The following IL1RAPL1 variants were observed in gnomAD, a reference collection of about 807,000 sequenced individuals.
IL1RAPL1 encodes interleukin-1 receptor accessory protein-like 1.
IL1RAPL1 carries 3 observed loss-of-function variants against 48.4 expected under a neutral mutation model. The observed-to-expected ratio is 0.06, with a 90% CI of 0.03 to 0.16. The LOEUF is 0.16. Ranked by LOEUF, IL1RAPL1 falls within the 10% of genes least tolerant of loss-of-function variation. The pLI, the probability that IL1RAPL1 is intolerant of heterozygous loss-of-function variation, is 1.00. For missense variants in IL1RAPL1, 349 were observed against 530.6 expected, an observed-to-expected ratio of 0.66 and a Z score of 3.36; for synonymous variants, 185 against 187.7, an observed-to-expected ratio of 0.99 and a Z score of 0.12.
intron 3 of IL1RAPL1, among the ~76,000 whole-genome samples, chrX:29,359,387 A>C (rs1933347963): frequency 8.9e-6 from 1 of 111,970 alleles, no homozygotes; most frequent in South Asian, 3.7e-4. Context: ...CAGTGACTTC[A>C]GAGTACTATC....
intron 2 of IL1RAPL1, among the ~76,000 whole-genome samples, chrX:29,005,786 G>A (rs1925963437): frequency 9.0e-6 from 1 of 111,366 alleles, no homozygotes; most frequent in Non-Finnish European, 1.9e-5. Context: ...TTCACTTCTG[G>A]TTCTAAAATT....
intron 2 of IL1RAPL1, among the ~76,000 whole-genome samples, chrX:29,228,174 G>C (rs1317071817): frequency 1.5e-5 from 1 of 68,582 alleles, no homozygotes; most frequent in African/African-American, 7.8e-5. Flanking sequence ...CCGGACACAC[G>C]CGTGCACACA....
intron 5 of IL1RAPL1, among the ~76,000 whole-genome samples, chrX:29,467,203 T>C (rs1934872125): frequency 8.9e-6 from 1 of 112,236 alleles, no homozygotes; most frequent in Non-Finnish European, 1.9e-5. Flanking sequence ...TGCCTAGGTA[T>C]ATAATAGATA....
intron 5 of IL1RAPL1, among the ~76,000 whole-genome samples, chrX:29,608,676 A>C (rs57824583): frequency 0.28 from 27,232 of 97,878 alleles, 4,247 homozygotes; most frequent in African/African-American, 0.4. Flanking sequence ...AATACAAAAA[A>C]TTAGCCGGGC....
chrX:29,833,524 G>A (rs1391687250), intron 6 of IL1RAPL1, among the ~76,000 whole-genome samples: 1 of 111,237 alleles, frequency 9.0e-6, no homozygotes, highest in Non-Finnish European at 1.9e-5. Flanking sequence ...GGCAGCCCAT[G>A]CTACTCTGAG....
intron 6 of IL1RAPL1, among the ~76,000 whole-genome samples, chrX:29,800,857 A>C (rs1444217058): frequency 1.0e-5 from 1 of 98,517 alleles, no homozygotes; most frequent in Non-Finnish European, 2.1e-5. Context: ...AAAATTAGCC[A>C]GGCGTGGTGG....
chrX:28,931,809 G>A lies in IL1RAPL1; in HGVS notation c.82+142384G>A, dbSNP rs76323526. 5.5e-4 allele frequency among the ~76,000 whole-genome samples: 61 copies of A among 110,577 alleles called. No homozygotes were observed. The South Asian group carries it at 0.018, about 33-fold the overall frequency. On this transcript the variant is annotated intron_variant, in intron 2 of 10. Transcript: ENST00000378993. ...TCCCAGCACTTTGGGAGGCCGAGGCGGGTGGATCACGAGGTCAGGAGATCG... is the reference window on the plus strand; with the variant it reads ...TCCCAGCACTTTGGGAGGCCGAGGCAGGTGGATCACGAGGTCAGGAGATCG...
chrX:29,101,218 T>G (rs1023103450), intron 2 of IL1RAPL1, among the ~76,000 whole-genome samples: 2 of 112,176 alleles, frequency 1.8e-5, no homozygotes, highest in African/African-American at 6.5e-5. Context: ...GAGGCTACTA[T>G]GAGCAACTAT....
intron 1 of IL1RAPL1, among the ~76,000 whole-genome samples, chrX:28,627,071 G>A (rs192283359): frequency 1.4e-3 from 157 of 111,946 alleles, no homozygotes; most frequent in African/African-American, 4.6e-3. Flanking sequence ...TGAAGAAGTG[G>A]AAGTTGGCAG....
At chrX:29,693,067 CAG>C (rs1459542396) in intron 6 of IL1RAPL1, among the ~76,000 whole-genome samples, 5 of 112,075 alleles carry the variant, frequency 4.5e-5, no homozygotes, top group Non-Finnish European at 9.4e-5. Flanking sequence ...TCCTGCAGTG[CAG>C]AGACTCTCTT....
At position 28,830,476 on chromosome X, in the gene IL1RAPL1, G is replaced by C. The variant is rs138142852; in HGVS notation, c.82+41051G>C. Among the ~76,000 whole-genome samples the C allele has an allele frequency of 9.8e-4, 109 of 111,714 alleles. 2 individuals carry two copies. The East Asian group carries it at 0.018, about 18-fold the overall frequency. Reference sequence around the variant, plus strand: ...TTAGTTGTTATACTTTACAACTCCAGAATTTAAATTTGCTTCCTTTATTTA... The same window carrying C: ...TTAGTTGTTATACTTTACAACTCCACAATTTAAATTTGCTTCCTTTATTTA... On this transcript the variant is annotated intron_variant, in intron 2 of 10. Coordinates refer to ENST00000378993, the MANE Select transcript of IL1RAPL1 (RefSeq NM_014271.4).
intron 5 of IL1RAPL1, among the ~76,000 whole-genome samples, chrX:29,422,577 G>T (rs746359986): frequency 8.9e-6 from 1 of 112,054 alleles, no homozygotes; most frequent in Non-Finnish European, 1.9e-5. Flanking sequence ...TCTTTAAAGA[G>T]CAAATCTCTG....
intron 1 of IL1RAPL1, among the ~76,000 whole-genome samples, chrX:28,619,972 G>A (rs1934266676): frequency 9.0e-6 from 1 of 111,211 alleles, no homozygotes; most frequent in Non-Finnish European, 1.9e-5. Flanking sequence ...GGGGCATAAA[G>A]AAGGTTCTTT....
intron 6 of IL1RAPL1, among the ~76,000 whole-genome samples, chrX:29,820,390 T>C (rs1422330643): frequency 9.0e-6 from 1 of 111,629 alleles, no homozygotes; most frequent in Non-Finnish European, 1.9e-5. Context: ...AAGCCACAGG[T>C]TACAAGGCAG....
intron 2 of IL1RAPL1, among the ~76,000 whole-genome samples, chrX:29,138,491 G>A (rs1224926488): frequency 9.0e-6 from 1 of 111,185 alleles, no homozygotes; most frequent in Non-Finnish European, 1.9e-5. Flanking sequence ...TAGTAGGCCG[G>A]GCATGGTGGC....
intron 1 of IL1RAPL1, 50 bp from the exon 2 acceptor site, chrX:28,789,270 A>G (rs778743775): frequency 1.3e-5 from 9 of 686,707 alleles, no homozygotes; most frequent in Admixed American, 9.5e-5. Flanking sequence ...TAATATTGCT[A>G]TCTATTTTTA....
intron 6 of IL1RAPL1, among the ~76,000 whole-genome samples, chrX:29,880,229 G>GCTAA (rs1170403404): frequency 9.0e-6 from 1 of 111,565 alleles, no homozygotes; most frequent in African/African-American, 3.2e-5. Flanking sequence ...TATTCCATAT[G>GCTAA]CTAACGTGTG....
intron 2 of IL1RAPL1, among the ~76,000 whole-genome samples, chrX:29,017,261 A>G (rs976918820): frequency 2.7e-5 from 3 of 112,483 alleles, no homozygotes; most frequent in South Asian, 3.6e-4. Context: ...TGTTGCCTCA[A>G]TGAATTAACC....
intron 5 of IL1RAPL1, among the ~76,000 whole-genome samples, chrX:29,643,088 T>A (rs1925214801): frequency 8.9e-6 from 1 of 112,524 alleles, no homozygotes; most frequent in Admixed American, 9.4e-5. Context: ...ACCTCATTTT[T>A]TAATGTGGCT....
Sources: gnomAD v4.1 joint callset for allele counts (sites outside exome capture counted in the v4.1 genomes callset) on GRCh38, gnomAD v4.1.1 for gene constraint, MANE v1.5 for transcripts, NCBI Gene and HGNC (gene_info 2026-07-23, HGNC 2026-07-21) for gene names.